Variants in DPP10 observed in about 807,000 individuals in gnomAD.
The protein encoded by DPP10 is inactive dipeptidyl peptidase 10.
DPP10 carries 33 observed loss-of-function variants against 120.9 expected under a neutral mutation model. The ratio of observed to expected loss-of-function variants is 0.27; its 90% CI spans 0.21 to 0.37. The LOEUF is 0.37. DPP10 is among the 10% of genes least tolerant of loss of function. The pLI, the probability that DPP10 is intolerant of heterozygous loss-of-function variation, is 1.00. For missense variants in DPP10, 816 were observed against 942.8 expected, an observed-to-expected ratio of 0.87 and a Z score of 1.76; for synonymous variants, 337 against 326.1, an observed-to-expected ratio of 1.03 and a Z score of -0.36.
intron 1 of DPP10, among the ~76,000 whole-genome samples, chr2:114,571,779 T>C (rs1689667993): frequency 6.6e-6 from 1 of 151,022 alleles, no homozygotes; most frequent in African/African-American, 2.4e-5. Flanking sequence ...AGGTTATTAA[T>C]TAATATAATA....
intron 24 of DPP10, among the ~76,000 whole-genome samples, chr2:115,837,705 C>T (rs1366511403): frequency 1.3e-5 from 2 of 152,084 alleles, no homozygotes; most frequent in Non-Finnish European, 2.9e-5. Context: ...GTGGGGATGG[C>T]ACTTTACCTC....
intron 3 of DPP10, among the ~76,000 whole-genome samples, chr2:115,377,426 A>G (rs1198422440): frequency 2.0e-5 from 3 of 151,984 alleles, no homozygotes; most frequent in East Asian, 1.9e-4. Flanking sequence ...AAATTTGTTT[A>G]AGTTCATTGT....
At chr2:115,232,560 T>G (rs977313274) in intron 1 of DPP10, among the ~76,000 whole-genome samples, 1 of 152,356 alleles carries the variant, frequency 6.6e-6, no homozygotes, top group East Asian at 1.9e-4. Context: ...TGTGCTTTCT[T>G]ACTCTTCTGA....
chr2:115,279,258 G>T (rs989802291), intron 1 of DPP10, among the ~76,000 whole-genome samples: 1 of 152,084 alleles, frequency 6.6e-6, no homozygotes, highest in Non-Finnish European at 1.5e-5. Context: ...AGACACAAGG[G>T]AACACCATGA....
rs574107768 is a variant in DPP10 at position 114,615,624 on chromosome 2, G to T, written c.60+172786G>T. ...CACAGAACAGGAACCAAGAGTAATG[G>T]GTTCTATTCCCTACTCTATGTTTGA... is the stretch of plus-strand genomic sequence containing the variant. On this transcript the variant is annotated intron_variant, in intron 1 of 25. Transcript: ENST00000410059. Among the ~76,000 whole-genome samples the T allele has an allele frequency of 2.5e-4, 38 of 152,182 alleles. No individual in the cohort carries two copies. In the South Asian group the frequency reaches 7.3e-3, roughly 29 times the overall value.
chr2:115,110,943 T>C (rs950337294), intron 1 of DPP10, among the ~76,000 whole-genome samples: 1 of 152,324 alleles, frequency 6.6e-6, no homozygotes, highest in South Asian at 2.1e-4. Context: ...AATATGTAGC[T>C]AAAATTGTGC....
At chr2:114,541,380 G>A (rs577538169) in intron 1 of DPP10, among the ~76,000 whole-genome samples, 1 of 152,200 alleles carries the variant, frequency 6.6e-6, no homozygotes, top group South Asian at 2.1e-4. Context: ...TCCTTTCTGT[G>A]CCAGCTTCCC....
chr2:114,450,593 G>A (rs542300787), intron 1 of DPP10, among the ~76,000 whole-genome samples: 2 of 152,128 alleles, frequency 1.3e-5, no homozygotes, highest in African/African-American at 2.4e-5. Flanking sequence ...AAATATATTG[G>A]TCTTTGTTGA....
At chr2:114,941,257 A>G (rs1442092835) in intron 1 of DPP10, among the ~76,000 whole-genome samples, 2 of 152,146 alleles carry the variant, frequency 1.3e-5, no homozygotes, top group African/African-American at 2.4e-5. Flanking sequence ...TTAGGTACCA[A>G]TCTTGTTGTC....
rs13418008 is a variant in DPP10, at chr2:114,942,404, T to C, written c.61-366835T>C. The stretch of plus-strand genomic sequence containing the variant: ...ATATATATATATACACACACACACA[T>C]ATATATATATATATATATGATATCT... On this transcript the variant is annotated intron_variant, in intron 1 of 25. Coordinates refer to ENST00000410059, the MANE Select transcript of DPP10 (RefSeq NM_020868.6). Among the ~76,000 whole-genome samples, 122 of 69,580 alleles carry C rather than the reference T, an allele frequency of 1.8e-3. 1 individual carries two copies. The highest frequency in any genetic ancestry group is 2.8e-3 in the East Asian group (4 of 1,430). 45.6% of individuals were successfully genotyped at this position (69,580 alleles called of 152,430 possible).
intron 1 of DPP10, among the ~76,000 whole-genome samples, chr2:114,935,298 C>T (rs1696380319): frequency 6.6e-6 from 1 of 152,126 alleles, no homozygotes; most frequent in African/African-American, 2.4e-5. Context: ...TCACCTTATC[C>T]ATTCTATAAG....
At chr2:114,884,420 T>C (rs1298152769) in intron 1 of DPP10, among the ~76,000 whole-genome samples, 1 of 152,178 alleles carries the variant, frequency 6.6e-6, no homozygotes, top group African/African-American at 2.4e-5. Flanking sequence ...GAATTCTTTT[T>C]CTTGCTTTTC....
At chr2:115,593,287 C>T (rs1018428995) in intron 5 of DPP10, among the ~76,000 whole-genome samples, 7 of 152,068 alleles carry the variant, frequency 4.6e-5, no homozygotes, top group Non-Finnish European at 8.8e-5. Flanking sequence ...AAGGTTGATG[C>T]ATGGCACGGT....
chr2:115,472,565 A>G (rs543220239), intron 3 of DPP10, among the ~76,000 whole-genome samples: 28 of 152,326 alleles, frequency 1.8e-4, no homozygotes, highest in African/African-American at 6.3e-4. Flanking sequence ...GCATTCTAGA[A>G]CACATGTGCC....
intron 3 of DPP10, chr2:115,469,078 A>G (rs2074519575): frequency 5.8e-6 from 1 of 172,420 alleles, no homozygotes. Context: ...GGCGTGCACC[A>G]CCATGCCCGG....
At chr2:115,028,017 G>T (rs570271211) in intron 1 of DPP10, among the ~76,000 whole-genome samples, 16 of 151,980 alleles carry the variant, frequency 1.1e-4, no homozygotes, top group African/African-American at 3.6e-4. Flanking sequence ...TATAGTTATA[G>T]GTTTGTTGAT....
At chr2:115,762,404 T>C (rs1332060385) in intron 11 of DPP10, among the ~76,000 whole-genome samples, 168 bp from the exon 12 acceptor site, 2 of 152,138 alleles carry the variant, frequency 1.3e-5, no homozygotes, top group Non-Finnish European at 2.9e-5. Context: ...GTCCCTATTC[T>C]CTACTTACTC....
At chr2:115,493,887 G>A (rs1484571767) in intron 3 of DPP10, among the ~76,000 whole-genome samples, 5 of 152,186 alleles carry the variant, frequency 3.3e-5, no homozygotes, top group African/African-American at 7.2e-5. Flanking sequence ...GGTTTATTGA[G>A]GCTTACTGTG....
chr2:115,721,258 C>A (rs2092642589), intron 7 of DPP10, among the ~76,000 whole-genome samples: 2 of 152,122 alleles, frequency 1.3e-5, no homozygotes, highest in African/African-American at 4.8e-5. Context: ...GTAACTATCA[C>A]CAATTATTTT....
Sources: allele counts gnomAD v4.1 joint callset (sites outside exome capture counted in the v4.1 genomes callset), GRCh38; gene constraint gnomAD v4.1.1; transcripts MANE v1.5; gene names NCBI Gene and HGNC (gene_info 2026-07-23, HGNC 2026-07-21).